KLF8: variants seen among roughly 807,000 people sequenced by gnomAD.
KLF8 encodes KLF transcription factor 8.
A neutral mutation model predicts 18.2 loss-of-function variants in KLF8; 10 were observed. That is an observed-to-expected ratio of 0.55 (90% CI 0.34 to 0.93). The LOEUF is 0.93. Among genes scored for constraint, KLF8 ranks in the 40% least tolerant of loss-of-function variants. The probability of loss-of-function intolerance (pLI) is 0.02; values close to 1 mark genes in which losing one functional copy is unlikely to be tolerated. For missense variants in KLF8, 264 were observed against 277.9 expected, an observed-to-expected ratio of 0.95 and a Z score of 0.36; for synonymous variants, 109 against 97.3, an observed-to-expected ratio of 1.12 and a Z score of -0.71.
chrX:56,011,636 T>A, the KLF8 span, among the ~76,000 whole-genome samples: 4 of 109,793 alleles, frequency 3.6e-5, no homozygotes, highest in African/African-American at 1.3e-4. Context: ...AATAGAGACA[T>A]GAAAAACCCT....
the KLF8 span, among the ~76,000 whole-genome samples, chrX:55,911,381 A>G: frequency 8.9e-6 from 1 of 112,372 alleles, no homozygotes; most frequent in East Asian, 2.8e-4. Flanking sequence ...ATGTACTTCA[A>G]CAAAATATAT....
the KLF8 span, among the ~76,000 whole-genome samples, chrX:56,226,242 A>G: frequency 1.8e-5 from 2 of 112,222 alleles, no homozygotes; most frequent in East Asian, 5.6e-4. Flanking sequence ...GAACTCCTGA[A>G]TTGGGAGTAG....
the KLF8 span, among the ~76,000 whole-genome samples, chrX:56,213,311 TTTC>T: frequency 0.018 from 574 of 31,785 alleles, 51 homozygotes; most frequent in Non-Finnish European, 0.027. Context: ...TTTCTTTTCT[TTTC>T]TTTTTTTTTT....
At chrX:55,965,541 C>T in the KLF8 span, among the ~76,000 whole-genome samples, 49 of 111,653 alleles carry the variant, frequency 4.4e-4, no homozygotes, top group African/African-American at 1.5e-3. Flanking sequence ...CCTGAACAAT[C>T]AGGCAAGGGA....
the KLF8 span, among the ~76,000 whole-genome samples, chrX:56,197,439 A>G: frequency 1.8e-5 from 2 of 112,004 alleles, no homozygotes; most frequent in Admixed American, 9.5e-5. Flanking sequence ...ACAAACTACC[A>G]TCAGAGAATA....
At chrX:56,176,069 T>C in the KLF8 span, among the ~76,000 whole-genome samples, 1 of 112,115 alleles carries the variant, frequency 8.9e-6, no homozygotes, top group Non-Finnish European at 1.9e-5. Flanking sequence ...ACTTGGTGTC[T>C]TTTAATTGGA....
the KLF8 span, among the ~76,000 whole-genome samples, chrX:55,912,408 TC>T: frequency 2.1e-3 from 232 of 111,499 alleles, 1 homozygote; most frequent in Middle Eastern, 9.2e-3. Flanking sequence ...CATATCAGAA[TC>T]CCCATTCCCA....
At chrX:56,216,818 C>T in the KLF8 span, among the ~76,000 whole-genome samples, 4 of 110,720 alleles carry the variant, frequency 3.6e-5, no homozygotes, top group African/African-American at 1.3e-4. Flanking sequence ...ATGTATGGTC[C>T]CTCCTGCCAC....
At chrX:55,915,832 A>G in the KLF8 span, among the ~76,000 whole-genome samples, 4 of 112,142 alleles carry the variant, frequency 3.6e-5, no homozygotes, top group East Asian at 8.3e-4. Context: ...CACAAGAGCA[A>G]TGTGACTGGA....
the KLF8 span, among the ~76,000 whole-genome samples, chrX:56,048,701 T>C: frequency 8.9e-6 from 1 of 111,985 alleles, no homozygotes; most frequent in Admixed American, 9.5e-5. Context: ...TCAGGTAGCA[T>C]GATGCCTCCA....
the KLF8 span, among the ~76,000 whole-genome samples, chrX:56,206,176 C>A: frequency 9.0e-6 from 1 of 111,333 alleles, no homozygotes; most frequent in Admixed American, 9.6e-5. Context: ...GGGATTATTA[C>A]AATTCGAGGT....
At chrX:55,929,366 A>G in the KLF8 span, among the ~76,000 whole-genome samples, 4 of 111,830 alleles carry the variant, frequency 3.6e-5, no homozygotes, top group East Asian at 1.1e-3. Flanking sequence ...AAGCTCTTTC[A>G]TTGAATTAGA....
At chrX:55,987,192 T>TC in the KLF8 span, among the ~76,000 whole-genome samples, 1 of 109,157 alleles carries the variant, frequency 9.2e-6, no homozygotes, top group South Asian at 3.9e-4. Flanking sequence ...TTTTTTTTTT[T>TC]CATTTTAATT....
intron 5 of KLF8, among the ~76,000 whole-genome samples, chrX:56,283,221 G>T (rs1330302056): frequency 9.0e-6 from 1 of 111,273 alleles, no homozygotes; most frequent in Non-Finnish European, 1.9e-5. Context: ...TTCTGGGCAT[G>T]GAGCTATTTC....
At chrX:56,110,473 A>C in the KLF8 span, among the ~76,000 whole-genome samples, 25 of 111,924 alleles carry the variant, frequency 2.2e-4, no homozygotes, top group African/African-American at 8.1e-4. Flanking sequence ...GTGACTACTA[A>C]TCGGAAGGAC....
chrX:55,982,320 A>G, the KLF8 span, among the ~76,000 whole-genome samples: 5 of 111,634 alleles, frequency 4.5e-5, no homozygotes, highest in Admixed American at 3.8e-4. Context: ...CTCAAGTCCT[A>G]TCAATTAAGG....
the KLF8 span, among the ~76,000 whole-genome samples, chrX:56,035,725 A>AT: frequency 2.7e-5 from 3 of 111,470 alleles, no homozygotes; most frequent in East Asian, 2.8e-4. Context: ...GATGTTGAAC[A>AT]TTTTTTTCAT....
the KLF8 span, among the ~76,000 whole-genome samples, chrX:55,929,861 C>G: frequency 1.9e-5 from 2 of 105,569 alleles, no homozygotes; most frequent in Non-Finnish European, 3.9e-5. Context: ...CTTGACTATA[C>G]GGGCTCTTTT....
At chrX:56,156,186 GTTC>G in the KLF8 span, among the ~76,000 whole-genome samples, 6 of 112,160 alleles carry the variant, frequency 5.3e-5, no homozygotes, top group Admixed American at 5.7e-4. Context: ...AATTGTTTAT[GTTC>G]TTCTTTGATG....
Sources: gnomAD v4.1 joint callset for allele counts (sites outside exome capture counted in the v4.1 genomes callset) on GRCh38, gnomAD v4.1.1 for gene constraint, MANE v1.5 for transcripts, NCBI Gene and HGNC (gene_info 2026-07-23, HGNC 2026-07-21) for gene names.